Variants in SIRPG observed in about 807,000 individuals in gnomAD.
The protein encoded by SIRPG is signal-regulatory protein gamma.
SIRPG carries 38 observed loss-of-function variants against 35.7 expected under a neutral mutation model. The ratio of observed to expected loss-of-function variants is 1.06; its 90% CI spans 0.82 to 1.40. The LOEUF is 1.40. SIRPG is among the 40% of genes most tolerant of loss of function. The pLI, the probability that SIRPG is intolerant of heterozygous loss-of-function variation, is 0.00. For synonymous variants in SIRPG, 215 were observed against 190.4 expected, an observed-to-expected ratio of 1.13 and a Z score of -1.06; for missense variants, 519 against 483.0, an observed-to-expected ratio of 1.07 and a Z score of -0.70.
the SIRPG span, among the ~76,000 whole-genome samples, chr20:1,681,926 T>C: frequency 6.7e-6 from 1 of 149,946 alleles, no homozygotes; most frequent in African/African-American, 2.4e-5. Context: ...GATGAGGATA[T>C]AGGTATGACT....
At chr20:1,639,255 T>A (rs1400117037) in intron 2 of SIRPG, among the ~76,000 whole-genome samples, 1 of 152,192 alleles carries the variant, frequency 6.6e-6, no homozygotes, top group Non-Finnish European at 1.5e-5. Context: ...AAAACGCTCC[T>A]ATTTTTCCAC....
the SIRPG span, among the ~76,000 whole-genome samples, chr20:1,663,726 A>T: frequency 3.3e-5 from 5 of 152,258 alleles, no homozygotes; most frequent in Non-Finnish European, 2.9e-5. Context: ...ATCAAAGAGG[A>T]CTCCAAAGCT....
chr20:1,647,077 T>A (rs1253362795), intron 2 of SIRPG: 2 of 151,716 alleles, frequency 1.3e-5, no homozygotes, highest in Non-Finnish European at 2.9e-5. Context: ...GGGCTGTAAG[T>A]CAGGCTGGTG....
chr20:1,649,403 C>A lies in SIRPG; in HGVS notation c.79G>T (p.Ala27Ser), dbSNP rs750234705. Residue 27 changes from alanine (A) to serine (S), a missense_variant, in exon 2 of 6, where the codon GCA (alanine) becomes TCA (serine). Transcript: ENST00000303415. The part of the protein sequence containing the change: ...LTLLLGLTEV[A>S]GEEELQMIQP... ...ATCATCTGTAGCTCCTCCTCACCTG[C>A]CACTTCTGAAAAGGAGCACAAAGCA... is the stretch of plus-strand genomic sequence containing the variant. The A allele has an allele frequency of 1.2e-5, 19 of 1,600,352 alleles. No individual in the cohort carries two copies. Among genetic ancestry groups the A allele is most frequent in the Non-Finnish European group, 1.5e-5 (18 of 1,171,622 alleles).
the SIRPG span, among the ~76,000 whole-genome samples, chr20:1,672,162 C>G: frequency 5.3e-5 from 8 of 152,284 alleles, no homozygotes; most frequent in East Asian, 1.3e-3. Flanking sequence ...AATAGGACAG[C>G]ATTTCTGCTT....
chr20:1,669,251 T>C, the SIRPG span, among the ~76,000 whole-genome samples: 1 of 152,222 alleles, frequency 6.6e-6, no homozygotes, highest in Non-Finnish European at 1.5e-5. Flanking sequence ...TGACAAGACA[T>C]CTTCAACAAC....
the SIRPG span, among the ~76,000 whole-genome samples, chr20:1,663,051 C>T: frequency 5.3e-5 from 8 of 152,046 alleles, no homozygotes; most frequent in South Asian, 2.1e-4. Context: ...CGGTAGCTCA[C>T]GCCTGTAATC....
intron 2 of SIRPG, among the ~76,000 whole-genome samples, chr20:1,641,781 G>A (rs1163122949): frequency 6.6e-6 from 1 of 152,050 alleles, no homozygotes; most frequent in Non-Finnish European, 1.5e-5. Flanking sequence ...CAGAGATTCT[G>A]GTATGTTGTC....
At chr20:1,672,233 C>T in the SIRPG span, among the ~76,000 whole-genome samples, 1 of 152,070 alleles carries the variant, frequency 6.6e-6, no homozygotes, top group African/African-American at 2.4e-5. Context: ...ACAGAGGATG[C>T]TTCATATAAG....
the SIRPG span, among the ~76,000 whole-genome samples, chr20:1,668,630 T>G: frequency 1.3e-5 from 2 of 152,114 alleles, no homozygotes; most frequent in African/African-American, 4.8e-5. Flanking sequence ...TAAAACCAAT[T>G]TTAGCTCACA....
the SIRPG span, among the ~76,000 whole-genome samples, chr20:1,668,811 C>T: frequency 6.6e-6 from 1 of 152,232 alleles, no homozygotes; most frequent in Admixed American, 6.5e-5. Flanking sequence ...CCATTTGCAA[C>T]TGCAGGTGCA....
the SIRPG span, among the ~76,000 whole-genome samples, chr20:1,672,420 A>G: frequency 1.3e-5 from 2 of 152,216 alleles, no homozygotes. Context: ...TTGTAAGAAC[A>G]TTGCACCCAC....
chr20:1,655,549 C>G (rs1336730390), intron 1 of SIRPG, among the ~76,000 whole-genome samples: 3 of 152,054 alleles, frequency 2.0e-5, no homozygotes, highest in South Asian at 4.2e-4. Flanking sequence ...AGATATTAGT[C>G]AAAGGATACA....
the SIRPG span, chr20:1,670,155 AG>A: frequency 3.8e-6 from 1 of 262,768 alleles, no homozygotes; most frequent in Non-Finnish European, 8.3e-6. Context: ...TGTAGGTTCT[AG>A]GGGTAGAAAT....
At chr20:1,676,812 G>T in the SIRPG span, 1 of 194,670 alleles carries the variant, frequency 5.1e-6, no homozygotes. Flanking sequence ...TCGCAGTGCA[G>T]TGCAGAGTGG....
At chr20:1,684,379 C>T in the SIRPG span, among the ~76,000 whole-genome samples, 1 of 140,440 alleles carries the variant, frequency 7.1e-6, no homozygotes, top group African/African-American at 2.7e-5. Flanking sequence ...CATGTATGTA[C>T]ACTTATAGTC....
At chr20:1,647,467 C>G (rs1397756817) in intron 2 of SIRPG, 1 of 152,048 alleles carries the variant, frequency 6.6e-6, no homozygotes, top group Non-Finnish European at 1.5e-5. Flanking sequence ...GGTGGGGAGC[C>G]CTGTTGCTAT....
the SIRPG span, among the ~76,000 whole-genome samples, chr20:1,668,882 G>A: frequency 6.6e-6 from 1 of 152,128 alleles, no homozygotes; most frequent in Non-Finnish European, 1.5e-5. Context: ...TGATTATAGG[G>A]GAAATTGTTT....
chr20:1,671,160 C>T, the SIRPG span: 1 of 357,774 alleles, frequency 2.8e-6, no homozygotes, highest in Non-Finnish European at 5.8e-6. Context: ...CTGTGGTCCT[C>T]ACTGCAGTGC....
Sources: allele counts gnomAD v4.1 joint callset (sites outside exome capture counted in the v4.1 genomes callset), GRCh38; gene constraint gnomAD v4.1.1; transcripts MANE v1.5; gene names NCBI Gene and HGNC (gene_info 2026-07-23, HGNC 2026-07-21).